GRM8: variants seen among roughly 807,000 people sequenced by gnomAD.
GRM8 encodes the protein metabotropic glutamate receptor 8.
GRM8 carries 47 observed loss-of-function variants against 87.2 expected under a neutral mutation model. The observed-to-expected ratio is 0.54, with a 90% CI of 0.43 to 0.69. GRM8 has a LOEUF of 0.69. GRM8 is among the 30% of genes least tolerant of loss of function. The pLI, the probability that GRM8 is intolerant of heterozygous loss-of-function variation, is 0.00. For missense variants in GRM8, 1,019 were observed against 1,139.2 expected (o/e 0.89, Z 1.52); for synonymous variants, 396 against 404.5 (o/e 0.98, Z 0.25).
intron 3 of GRM8, among the ~76,000 whole-genome samples, chr7:127,024,510 G>A (rs923305386): frequency 6.6e-6 from 1 of 151,954 alleles, no homozygotes; most frequent in Non-Finnish European, 1.5e-5. Flanking sequence ...TTCCACACTC[G>A]TCCTGTCCTC....
chr7:127,111,438 T>C (rs949027396), intron 2 of GRM8, among the ~76,000 whole-genome samples: 3 of 152,164 alleles, frequency 2.0e-5, no homozygotes, highest in Admixed American at 2.0e-4. Flanking sequence ...TGACTACATT[T>C]CCTGGCCTTC....
chr7:126,842,312 C>T (rs1796350552), intron 6 of GRM8, among the ~76,000 whole-genome samples: 1 of 152,116 alleles, frequency 6.6e-6, no homozygotes, highest in Admixed American at 6.5e-5. Flanking sequence ...TTTATAGTTT[C>T]TTTAGCTGAC....
chr7:126,740,347 G>A (rs1162188245), intron 7 of GRM8, among the ~76,000 whole-genome samples: 1 of 152,032 alleles, frequency 6.6e-6, no homozygotes, highest in Non-Finnish European at 1.5e-5. Context: ...TTCCCTAGGA[G>A]ATAACTTGTA....
At chr7:126,694,856 A>G (rs575350605) in intron 7 of GRM8, among the ~76,000 whole-genome samples, 1 of 152,244 alleles carries the variant, frequency 6.6e-6, no homozygotes, top group South Asian at 2.1e-4. Flanking sequence ...TTCAGCTCCA[A>G]GTCCAGCCAG....
At chr7:127,171,099 A>T (rs1314422223) in intron 2 of GRM8, among the ~76,000 whole-genome samples, 1 of 152,202 alleles carries the variant, frequency 6.6e-6, no homozygotes, top group Non-Finnish European at 1.5e-5. Context: ...CAACTTGGAG[A>T]GGTTCAAAAC....
chr7:126,539,931 A>G (rs1273671925), intron 8 of GRM8, among the ~76,000 whole-genome samples: 1 of 152,062 alleles, frequency 6.6e-6, no homozygotes, highest in Non-Finnish European at 1.5e-5. Context: ...AAGCAACAAC[A>G]ACAAAAAAAA....
intron 7 of GRM8, among the ~76,000 whole-genome samples, chr7:126,626,101 A>AGTGTATGTGT (rs147069195): frequency 0.24 from 36,435 of 148,724 alleles, 4,989 homozygotes; most frequent in South Asian, 0.38. Flanking sequence ...ATATGAGAGA[A>AGTGTATGTGT]GTGTGTGTGT....
intron 3 of GRM8, among the ~76,000 whole-genome samples, chr7:126,963,405 T>C (rs982119460): frequency 1.3e-5 from 2 of 152,174 alleles, no homozygotes; most frequent in Non-Finnish European, 2.9e-5. Flanking sequence ...AGAGATGACA[T>C]GATTATATAT....
intron 7 of GRM8, among the ~76,000 whole-genome samples, chr7:126,718,965 T>A (rs1812071735): frequency 6.6e-6 from 1 of 152,214 alleles, no homozygotes; most frequent in African/African-American, 2.4e-5. Context: ...TACTTTTATA[T>A]ACTTTGGAAA....
chr7:126,712,684 T>A (rs1811231252), intron 7 of GRM8, among the ~76,000 whole-genome samples: 1 of 151,994 alleles, frequency 6.6e-6, no homozygotes. Flanking sequence ...GGGAGAAAAA[T>A]TTTGCAATCT....
rs77989272 is a variant in GRM8 at position 126,532,757 on chromosome 7, G to A, written c.2430+195C>T. Among the ~76,000 whole-genome samples, 10 of 109,344 alleles carry A rather than the reference G, an allele frequency of 9.1e-5. No homozygotes were observed. In the East Asian group the frequency reaches 1.1e-3, roughly 12 times the overall value. The allele number at this position is 109,344 out of a possible 152,430, so 71.7% of individuals were successfully genotyped here. A position where few individuals can be genotyped will look rare whatever the true frequency, so the allele number is the denominator to read the frequency against. On this transcript the variant is annotated intron_variant, in intron 9 of 10. Coordinates refer to ENST00000339582, the MANE Select transcript of GRM8 (RefSeq NM_000845.3). ...AAATTCAAAGCAATGTGACCTTGAC[G>A]GATGGAGATATATATATATATATAT...
intron 7 of GRM8, among the ~76,000 whole-genome samples, chr7:126,665,469 A>T (rs1417213307): frequency 6.6e-6 from 1 of 152,182 alleles, no homozygotes; most frequent in African/African-American, 2.4e-5. Context: ...ATGCAGCTAG[A>T]GGCCATTATC....
chr7:126,498,679 T>C (rs1288524871), intron 9 of GRM8, among the ~76,000 whole-genome samples: 2 of 151,994 alleles, frequency 1.3e-5, no homozygotes, highest in African/African-American at 4.8e-5. Flanking sequence ...TATAGCATAA[T>C]TTACTTCTTC....
At chr7:126,737,161 A>G (rs772028350) in intron 7 of GRM8, among the ~76,000 whole-genome samples, 1 of 151,976 alleles carries the variant, frequency 6.6e-6, no homozygotes, top group Non-Finnish European at 1.5e-5. Context: ...ACCCTCCCCA[A>G]ATTGCTCCTG....
intron 8 of GRM8, among the ~76,000 whole-genome samples, chr7:126,569,178 G>C (rs906269871): frequency 1.2e-4 from 18 of 152,002 alleles, no homozygotes; most frequent in Non-Finnish European, 2.6e-4. Flanking sequence ...GAAAAATTTT[G>C]TTTCTCCTCT....
chr7:126,939,789 A>C (rs1806713388), intron 3 of GRM8, among the ~76,000 whole-genome samples: 1 of 152,154 alleles, frequency 6.6e-6, no homozygotes, highest in African/African-American at 2.4e-5. Context: ...TGAAACACAG[A>C]CTTCCTCCAC....
chr7:126,549,759 A>C (rs1395691632), intron 8 of GRM8, among the ~76,000 whole-genome samples: 1 of 152,170 alleles, frequency 6.6e-6, no homozygotes, highest in African/African-American at 2.4e-5. Context: ...TACTGGGAAA[A>C]ATTACCTGAA....
chr7:126,580,369 C>G (rs917903762), intron 8 of GRM8, among the ~76,000 whole-genome samples: 7 of 152,132 alleles, frequency 4.6e-5, no homozygotes, highest in African/African-American at 1.7e-4. Flanking sequence ...ATTCTCTACC[C>G]CTGGTATTTC....
At chr7:126,730,334 A>C (rs1364685435) in intron 7 of GRM8, among the ~76,000 whole-genome samples, 1 of 152,174 alleles carries the variant, frequency 6.6e-6, no homozygotes, top group East Asian at 1.9e-4. Context: ...AAAAAAAATA[A>C]AATAAGAGCA....
Sources: allele counts gnomAD v4.1 joint callset (sites outside exome capture counted in the v4.1 genomes callset), GRCh38; gene constraint gnomAD v4.1.1; transcripts MANE v1.5; gene names NCBI Gene and HGNC (gene_info 2026-07-23, HGNC 2026-07-21).